Variants in ITPR3 observed in about 807,000 individuals in gnomAD.
ITPR3 encodes the protein inositol 1,4,5-trisphosphate-gated calcium channel ITPR3.
Under a neutral mutation model 293.2 loss-of-function variants are expected in ITPR3, and 173 were observed. The observed-to-expected ratio is 0.59, with a 90% CI of 0.52 to 0.67. The LOEUF (loss-of-function observed/expected upper bound fraction) is 0.67. Ranked by LOEUF, ITPR3 falls within the 30% of genes least tolerant of loss-of-function variation. The probability of loss-of-function intolerance (pLI) is 0.00; values close to 1 mark genes in which losing one functional copy is unlikely to be tolerated. For synonymous variants in ITPR3, 1,295 were observed against 1,444.4 expected (o/e 0.90, Z 2.35); for missense variants, 2,796 against 3,592.1 (o/e 0.78, Z 5.66).
At chr6:33,646,737 G>A (rs1483105875) in intron 2 of ITPR3, among the ~76,000 whole-genome samples, 1 of 151,962 alleles carries the variant, frequency 6.6e-6, no homozygotes, top group Non-Finnish European at 1.5e-5. Context: ...GGGCAACATG[G>A]CGAAACCCCG....
rs1765114025 is a variant in ITPR3 at position 33,682,830 on chromosome 6, G to A, written c.4597+186G>A. ...ATTGAGAGAAGCTGTTTTCTCCTCT[G>A]GGTCAGTTCCCCAGAGAAGGATGCT... On this transcript the variant is annotated intron_variant, in intron 34 of 57. Coordinates refer to ENST00000605930, the MANE Select transcript of ITPR3 (RefSeq NM_002224.4). The surrounding 1 kb of genome is among the most constrained non-coding windows in gnomAD (Gnocchi z 5.4). Among the ~76,000 whole-genome samples, 1 of 152,122 alleles carries A rather than the reference G, an allele frequency of 6.6e-6. No homozygotes were observed. Among genetic ancestry groups the A allele is most frequent in the African/African-American group, 2.4e-5 (1 of 41,402 alleles).
Position 33,672,330 on chromosome 6 carries a change from T to C in ITPR3, c.2928+102T>C. 2 of 1,013,098 alleles carry C rather than the reference T, an allele frequency of 2.0e-6. No individual in the cohort carries two copies. Among genetic ancestry groups the C allele is most frequent in the East Asian group, 2.5e-5 (1 of 39,586 alleles). The allele number at this position is 1,013,098 out of a possible 1,614,324, so 62.8% of individuals were successfully genotyped here. ...GGGCGAACCCCTTCAGATCTCAGTA[T>C]TTAGTACTGGAAGTCTCCATCGTGA... On this transcript the variant is annotated intron_variant, in intron 22 of 57. Transcript: ENST00000605930. This position sits in a 1 kb window ranked among gnomAD's most constrained non-coding sequence, Gnocchi z 5.0.
chr6:33,687,394 C>G lies in ITPR3; in HGVS notation c.6177+67C>G. 6.8e-7 allele frequency: 1 copy of G among 1,481,110 alleles called. No homozygotes were observed. Among genetic ancestry groups the G allele is most frequent in the South Asian group, 1.2e-5 (1 of 84,160 alleles). 91.7% of individuals were successfully genotyped at this position (1,481,110 alleles called of 1,614,324 possible). ...CACCATACCCCGCCCCAGCTGCCAT[C>G]ATCCCCCAGTCGCCATTGTCGCCCC... On this transcript the variant is annotated intron_variant, in intron 45 of 57. Coordinates refer to ENST00000605930, the MANE Select transcript of ITPR3 (RefSeq NM_002224.4). This position sits in a 1 kb window ranked among gnomAD's most constrained non-coding sequence, Gnocchi z 5.3.
Position 33,692,769 on chromosome 6 carries a change from C to T in ITPR3, c.7500C>T (p.Phe2500=), listed in dbSNP as rs773207995. 3 of 1,613,890 alleles carry T rather than the reference C, an allele frequency of 1.9e-6. No individual in the cohort carries two copies. In the Admixed American group the frequency reaches 5.0e-5, roughly 27 times the overall value. The change falls in exon 55 of 58, where the codon TTC becomes TTT. Residue 2500 remains phenylalanine (F), a synonymous_variant. Transcript: ENST00000605930. This position sits in a 1 kb window ranked among gnomAD's most constrained non-coding sequence, Gnocchi z 4.2. The part of the protein sequence containing the change: ...FPARVVYDLL[F]FFIVIIIVLN... ...CCCGAGTGGTCTATGACCTCCTGTT[C>T]TTCTTCATCGTCATCATCATTGTGC...
At chr6:33,665,329 C>G (rs750329595) in intron 13 of ITPR3, 116 bp downstream of exon 13, 1 of 1,385,760 alleles carries the variant, frequency 7.2e-7, no homozygotes, top group Non-Finnish European at 9.7e-7. Context: ...GAGTAGGGGA[C>G]TGGCCCCTGT....
Position 33,680,922 on chromosome 6 carries a change from G to A in ITPR3, c.4476+242G>A, listed in dbSNP as rs370509443. On this transcript the variant is annotated intron_variant, in intron 33 of 57. Transcript: ENST00000605930. Reference sequence around the variant, plus strand: ...TGCAAGCTCTGCCTCCTGGGTTCACGCCATTCTCCTGCCTCAGCCTCCCGA... The same window carrying A: ...TGCAAGCTCTGCCTCCTGGGTTCACACCATTCTCCTGCCTCAGCCTCCCGA... Among the ~76,000 whole-genome samples, 242 of 145,384 alleles carry A rather than the reference G, an allele frequency of 1.7e-3. 1 individual carries two copies. Among genetic ancestry groups the A allele is most frequent in the African/African-American group, 6.2e-3 (226 of 36,354 alleles).
chr6:33,662,754 G>A lies in ITPR3; in HGVS notation c.858+80G>A. 5.1e-6 allele frequency: 8 copies of A among 1,562,956 alleles called. No individual in the cohort carries two copies. The South Asian group carries it at 9.4e-5, about 18-fold the overall frequency. On this transcript the variant is annotated intron_variant, in intron 8 of 57. Coordinates refer to ENST00000605930, the MANE Select transcript of ITPR3 (RefSeq NM_002224.4). ...CCTCTTCCCCACCATCCTGGAGGGT[G>A]GGATATTGACCCCTACCTCCCTCTG...
intron 2 of ITPR3, among the ~76,000 whole-genome samples, chr6:33,648,268 G>A (rs1764114004): frequency 6.6e-6 from 1 of 151,962 alleles, no homozygotes; most frequent in South Asian, 2.1e-4. Context: ...GTCTCACTGT[G>A]TTGCCCAGGC....
At position 33,685,652 on chromosome 6, in the gene ITPR3, C is replaced by T. The variant is rs776342387; in HGVS notation, c.5492C>T (p.Ala1831Val). The T allele has an allele frequency of 3.8e-6, 6 of 1,585,480 alleles. No homozygotes were observed. In the Admixed American group the frequency reaches 5.2e-5, roughly 14 times the overall value. The change falls in exon 41 of 58, where the codon GCC becomes GTC. Residue 1831 changes from alanine (A) to valine (V), a missense_variant. This residue lies in a region of ITPR3 where 704 missense variants were observed against 797.5 expected (regional missense o/e 0.88). Coordinates refer to ENST00000605930, the MANE Select transcript of ITPR3 (RefSeq NM_002224.4). Reference protein sequence around the residue: ...PVDPTTKGRVASFSIPGSSSR... With the variant: ...PVDPTTKGRVVSFSIPGSSSR... ...CAGGTCTCGCCCACAGGCCGCGTGG[C>T]CTCCTTCTCGATACCTGGCTCCTCA... is the stretch of plus-strand genomic sequence containing the variant.
rs144672675 is a variant in ITPR3 at position 33,682,644 on chromosome 6, G to A, written c.4597G>A (p.Ala1533Thr). Residue 1533 changes from alanine (A) to threonine (T), a missense_variant and splice_region_variant, in exon 34 of 58, where the codon GCC becomes ACC. Physicochemically the swap from Ala to Thr is moderately conservative, Grantham distance 58. This residue lies in a region of ITPR3 where 704 missense variants were observed against 797.5 expected (regional missense o/e 0.88). Transcript: ENST00000605930. The surrounding 1 kb of genome is among the most constrained non-coding windows in gnomAD (Gnocchi z 5.4). The stretch of plus-strand genomic sequence containing the variant: ...CTGCATCCGGACCCTCGCCATGGTG[G>A]GTGAGTGTGCCGGGGCACTGGCCAG... ...EACIRTLAMV[A>T]KGRAILLPMD... The A allele has an allele frequency of 1.9e-6, 3 of 1,593,956 alleles. No individual in the cohort carries two copies. In the African/African-American group the frequency reaches 4.1e-5, roughly 22 times the overall value.
chr6:33,637,698 G>A (rs933481263), intron 1 of ITPR3, among the ~76,000 whole-genome samples: 2 of 151,400 alleles, frequency 1.3e-5, no homozygotes, highest in Non-Finnish European at 2.9e-5. Context: ...ACTCGATCTC[G>A]GCTCACTGCA....
rs778950172 is a variant in ITPR3 at position 33,680,152 on chromosome 6, G to C, written c.4224+19G>C. ...CACTGAGGTGGGGATCGGGAGACTG[G>C]GCAAGACGGCTGGAGATGGGGCGAA... On this transcript the variant is annotated intron_variant, in intron 31 of 57. Transcript: ENST00000605930. The C allele has an allele frequency of 6.2e-7, 1 of 1,607,522 alleles. No homozygotes were observed. Among genetic ancestry groups the C allele is most frequent in the Non-Finnish European group, 8.5e-7 (1 of 1,175,174 alleles).
intron 2 of ITPR3, among the ~76,000 whole-genome samples, chr6:33,653,190 A>G (rs1764231505): frequency 6.6e-6 from 1 of 151,934 alleles, no homozygotes; most frequent in African/African-American, 2.4e-5. Context: ...TTACAGATGC[A>G]CACCACCATG....
chr6:33,655,636 C>G lies in ITPR3; in HGVS notation c.161-130C>G. On this transcript the variant is annotated intron_variant, in intron 2 of 57. Transcript: ENST00000605930. The surrounding 1 kb of genome is among the most constrained non-coding windows in gnomAD (Gnocchi z 4.9). The stretch of plus-strand genomic sequence containing the variant: ...TGTGAGGTTCTTCCAACCGCTTCCT[C>G]TCTACCTGCAGCGGGGAACGGGGGT... 1 of 1,237,640 alleles carries G rather than the reference C, an allele frequency of 8.1e-7. No homozygotes were observed. Among genetic ancestry groups the G allele is most frequent in the Non-Finnish European group, 1.1e-6 (1 of 886,774 alleles). The allele number at this position is 1,237,640 out of a possible 1,614,324, so 76.7% of individuals were successfully genotyped here. A position where few individuals can be genotyped will look rare whatever the true frequency, so the allele number is the denominator to read the frequency against.
rs1433481951 is a variant in ITPR3 at position 33,688,404 on chromosome 6, G to A, written c.6541G>A (p.Glu2181Lys). The change falls in exon 48 of 58, where the codon GAG becomes AAG. Residue 2181 changes from glutamate (E) to lysine (K), a missense_variant. Around this residue, in one of 8 missense-constraint regions of ITPR3, gnomAD observed 568 missense variants for 796.1 expected, o/e 0.71. Transcript: ENST00000605930. The stretch of plus-strand genomic sequence containing the variant: ...CGACCAGTCCTCCTTCCTGCACAAC[G>A]AGATGGAGTGGCAGCGCAAGCTCCG... Reference protein sequence around the residue: ...FFDQSSFLHNEMEWQRKLRSM... With the variant: ...FFDQSSFLHNKMEWQRKLRSM... 6.9e-7 allele frequency: 1 copy of A among 1,452,378 alleles called. No homozygotes were observed. The highest frequency in any genetic ancestry group is 9.3e-7 in the Non-Finnish European group (1 of 1,078,698). The allele number at this position is 1,452,378 out of a possible 1,614,324, so 90.0% of individuals were successfully genotyped here.
Position 33,671,179 on chromosome 6 carries a change from G to A in ITPR3, c.2601G>A (p.Ala867=), listed in dbSNP as rs768456799. 57 of 1,613,550 alleles carry A rather than the reference G, an allele frequency of 3.5e-5. No homozygotes were observed. The South Asian group carries it at 5.6e-4, about 16-fold the overall frequency. The change falls in exon 21 of 58, where the codon GCG becomes GCA. Residue 867 remains alanine (A), a synonymous_variant. Transcript: ENST00000605930. ...CCCCTTCGCAGGTGGTCAGCCTGGCGCACAATCTCATCTACTTCGGCTTCT... is the reference window on the plus strand; with the variant it reads ...CCCCTTCGCAGGTGGTCAGCCTGGCACACAATCTCATCTACTTCGGCTTCT... The part of the protein sequence containing the change: ...NKLTFEVVSL[A]HNLIYFGFYS...
chr6:33,678,958 C>A, intron 30 of ITPR3, 119 bp downstream of exon 30: 3 of 1,024,002 alleles, frequency 2.9e-6, no homozygotes, highest in Non-Finnish European at 2.9e-6. Flanking sequence ...GAACACTCAG[C>A]TGCTGACCAT....
intron 2 of ITPR3, among the ~76,000 whole-genome samples, chr6:33,648,006 T>C (rs921042638): frequency 6.6e-6 from 1 of 151,982 alleles, no homozygotes; most frequent in African/African-American, 2.4e-5. Flanking sequence ...ACTCTTTTCA[T>C]GGTTTCTTCT....
At chr6:33,660,321 C>T (rs1312906196) in intron 7 of ITPR3, among the ~76,000 whole-genome samples, 1 of 152,044 alleles carries the variant, frequency 6.6e-6, no homozygotes, top group Non-Finnish European at 1.5e-5. Context: ...GGCCCGAGAG[C>T]AGCCACCTAA....
Sources: gnomAD v4.1 joint callset for allele counts (sites outside exome capture counted in the v4.1 genomes callset) on GRCh38, gnomAD v4.1.1 for gene constraint, gnomAD v4.1.1 regional missense constraint, Gnocchi (gnomAD v3.1) non-coding constraint, MANE v1.5 for transcripts, NCBI Gene and HGNC (gene_info 2026-07-23, HGNC 2026-07-21) for gene names.